The following THSD4 variants were observed in gnomAD, a reference collection of about 807,000 sequenced individuals.
THSD4 encodes the protein thrombospondin type-1 domain-containing protein 4.
THSD4 carries 69 observed loss-of-function variants against 119.0 expected under a neutral mutation model. That is an observed-to-expected ratio of 0.58 (90% confidence interval 0.48 to 0.71). The LOEUF is 0.71. Ranked by LOEUF, THSD4 falls within the 30% of genes least tolerant of loss-of-function variation. The pLI is 0.00. For synonymous variants in THSD4, 524 were observed against 540.4 expected (o/e 0.97, Z 0.42); for missense variants, 1,393 against 1,391.1 (o/e 1.00, Z -0.02).
At chr15:71,128,041 A>G (rs1316627516) in intron 1 of THSD4, among the ~76,000 whole-genome samples, 2 of 152,150 alleles carry the variant, frequency 1.3e-5, no homozygotes, top group South Asian at 2.1e-4. Context: ...CTAGCATTAC[A>G]TTTAAGTCTT....
intron 17 of THSD4, among the ~76,000 whole-genome samples, chr15:71,772,158 A>G (rs559728964): frequency 7.9e-5 from 12 of 152,332 alleles, no homozygotes; most frequent in African/African-American, 2.9e-4. Context: ...ATAACATCAA[A>G]GGAAATGTAT....
intron 7 of THSD4, among the ~76,000 whole-genome samples, chr15:71,460,877 G>T (rs907952424): frequency 1.9e-4 from 29 of 152,004 alleles, no homozygotes; most frequent in African/African-American, 6.8e-4. Context: ...GGTTCTTCTT[G>T]TTGGCCCCCT....
At chr15:71,283,731 A>G (rs1469743164) in intron 6 of THSD4, among the ~76,000 whole-genome samples, 1 of 152,244 alleles carries the variant, frequency 6.6e-6, no homozygotes, top group African/African-American at 2.4e-5. Context: ...AACTCATCAC[A>G]AAGATTGGTC....
chr15:71,713,428 G>C (rs188564502), intron 8 of THSD4, among the ~76,000 whole-genome samples: 19 of 152,328 alleles, frequency 1.2e-4, no homozygotes, highest in African/African-American at 4.6e-4. Flanking sequence ...CTATGTTGCT[G>C]ATTCTTTCAG....
intron 6 of THSD4, among the ~76,000 whole-genome samples, chr15:71,279,181 C>T (rs1025247460): frequency 6.6e-6 from 1 of 152,164 alleles, no homozygotes; most frequent in Non-Finnish European, 1.5e-5. Flanking sequence ...AGTCAATTCA[C>T]GTAGCCTCTT....
At chr15:71,448,029 A>G (rs764286916) in intron 7 of THSD4, among the ~76,000 whole-genome samples, 1 of 152,226 alleles carries the variant, frequency 6.6e-6, no homozygotes, top group Admixed American at 6.5e-5. Context: ...ACTTCTGGTT[A>G]TATCCCATGA....
At chr15:71,199,457 GGGGGTGTGTGTGTGT>G (rs2043749045) in intron 3 of THSD4, among the ~76,000 whole-genome samples, 1 of 109,370 alleles carries the variant, frequency 9.1e-6, no homozygotes, top group African/African-American at 3.0e-5. Context: ...GTGTGTGGGG[GGGGGTGTGTGTGTGT>G]GGTGTGTGTG....
At chr15:71,649,354 A>G (rs1397532221) in intron 7 of THSD4, among the ~76,000 whole-genome samples, 2 of 152,056 alleles carry the variant, frequency 1.3e-5, no homozygotes, top group East Asian at 1.9e-4. Flanking sequence ...ACTCACTGCA[A>G]TCTCTGCCTC....
chr15:71,310,633 T>C (rs1311937106), intron 6 of THSD4, among the ~76,000 whole-genome samples: 3 of 152,182 alleles, frequency 2.0e-5, no homozygotes, highest in African/African-American at 7.2e-5. Context: ...GGGTGACCTC[T>C]CTGGAATGGA....
chr15:71,738,033 A>G (rs1302478360), intron 11 of THSD4, 26 bp downstream of exon 11: 3 of 1,611,010 alleles, frequency 1.9e-6, no homozygotes, highest in Non-Finnish European at 2.5e-6. Context: ...GGACGGGTGG[A>G]TCCCTGCAGA....
At chr15:71,752,505 A>G (rs375749281) in intron 14 of THSD4, among the ~76,000 whole-genome samples, 1 of 152,200 alleles carries the variant, frequency 6.6e-6, no homozygotes, top group African/African-American at 2.4e-5. Context: ...TGCCTTATCT[A>G]CCCTCAGAAT....
Position 71,600,743 on chromosome 15 carries a change from TC to T in THSD4, c.1153-59786del, listed in dbSNP as rs1235929137. Reference sequence around the variant, plus strand: ...TATCATGCCTGTCTTTTTTTTTCTTTCTTTCTTTTTTTTTTTGAGACAGAGT... The same window carrying T: ...TATCATGCCTGTCTTTTTTTTTCTTTTTTCTTTTTTTTTTTGAGACAGAGT... On this transcript the variant is annotated intron_variant, in intron 7 of 17. Transcript: ENST00000261862. Among the ~76,000 whole-genome samples the T allele has an allele frequency of 5.3e-3, 782 of 146,240 alleles. 8 individuals are homozygous for T. The highest frequency in any genetic ancestry group is 0.02 in the African/African-American group (755 of 37,602).
intron 1 of THSD4, among the ~76,000 whole-genome samples, chr15:71,138,702 G>A (rs1171349567): frequency 6.6e-6 from 1 of 152,064 alleles, no homozygotes; most frequent in African/African-American, 2.4e-5. Context: ...ACCACGTATA[G>A]GCCACTGCCT....
intron 7 of THSD4, among the ~76,000 whole-genome samples, chr15:71,468,046 A>T (rs921719447): frequency 6.6e-6 from 1 of 152,086 alleles, no homozygotes; most frequent in Admixed American, 6.5e-5. Flanking sequence ...ACGAGGTTTC[A>T]TCATGTTGGC....
chr15:71,290,257 T>C (rs1329320151), intron 6 of THSD4, among the ~76,000 whole-genome samples: 2 of 152,200 alleles, frequency 1.3e-5, no homozygotes, highest in Admixed American at 1.3e-4. Context: ...GCTAAGTAGC[T>C]TCAAAGCTGG....
chr15:71,539,065 G>A (rs1464875103), intron 7 of THSD4, among the ~76,000 whole-genome samples: 2 of 152,258 alleles, frequency 1.3e-5, no homozygotes, highest in Non-Finnish European at 1.5e-5. Flanking sequence ...AGAAATCAGA[G>A]AAGGGTAAGG....
intron 7 of THSD4, among the ~76,000 whole-genome samples, chr15:71,446,161 T>C (rs1269362974): frequency 6.6e-6 from 1 of 152,228 alleles, no homozygotes; most frequent in African/African-American, 2.4e-5. Context: ...CTCTATCCCA[T>C]AGTGAAACTG....
chr15:71,625,071 C>T (rs1401609782), intron 7 of THSD4, among the ~76,000 whole-genome samples: 1 of 151,888 alleles, frequency 6.6e-6, no homozygotes, highest in African/African-American at 2.4e-5. Flanking sequence ...ACAGTGGTGC[C>T]ATCTTAGCTC....
At chr15:71,527,253 T>G (rs2048535813) in intron 7 of THSD4, among the ~76,000 whole-genome samples, 1 of 151,980 alleles carries the variant, frequency 6.6e-6, no homozygotes, top group Non-Finnish European at 1.5e-5. Context: ...CTGGGAGAAA[T>G]AAATTTCTAT....
Sources: allele counts gnomAD v4.1 joint callset (sites outside exome capture counted in the v4.1 genomes callset), GRCh38; gene constraint gnomAD v4.1.1; transcripts MANE v1.5; gene names NCBI Gene and HGNC (gene_info 2026-07-23, HGNC 2026-07-21).